Variants in CHN1 observed in about 807,000 individuals in gnomAD.
The protein encoded by CHN1 is chimerin 1, also known as N-chimaerin.
A neutral mutation model predicts 59.5 loss-of-function variants in CHN1; 37 were observed. The ratio of observed to expected loss-of-function variants is 0.62; its 90% CI spans 0.48 to 0.82. The LOEUF is 0.82. Ranked by LOEUF, CHN1 falls within the 40% of genes least tolerant of loss-of-function variation. The pLI is 0.00. For synonymous variants in CHN1, 206 were observed against 200.4 expected (o/e 1.03, Z -0.24); for missense variants, 469 against 571.0 (o/e 0.82, Z 1.82).
intron 6 of CHN1, among the ~76,000 whole-genome samples, chr2:174,874,107 C>T (rs6433508): frequency 0.48 from 73,086 of 151,644 alleles, 18,295 homozygotes; most frequent in African/African-American, 0.61. Context: ...TGAGACATTT[C>T]GAAAGTATGG....
chr2:174,826,687 T>C (rs994344541), intron 7 of CHN1, among the ~76,000 whole-genome samples: 4 of 152,228 alleles, frequency 2.6e-5, no homozygotes, highest in African/African-American at 9.6e-5. Flanking sequence ...GCTGTTTTAA[T>C]AGAACCAATC....
intron 6 of CHN1, chr2:174,875,773 A>C (rs962197505): frequency 1.0e-6 from 1 of 977,042 alleles, no homozygotes; most frequent in African/African-American, 1.8e-5. Flanking sequence ...ATTAAACATG[A>C]TTGTCTTTAC....
At chr2:174,896,884 A>G in intron 5 of CHN1, among the ~76,000 whole-genome samples, 1 of 152,346 alleles carries the variant, frequency 6.6e-6, no homozygotes, top group Non-Finnish European at 1.5e-5. Context: ...TATATAATAT[A>G]CATCTATTAT....
At chr2:174,945,145 A>G (rs754205646) in intron 2 of CHN1, 2 of 546,384 alleles carry the variant, frequency 3.7e-6, no homozygotes, top group Admixed American at 3.2e-5. Context: ...CAGAAAAATC[A>G]TAATCCAAAC....
chr2:174,955,122 GATCTAATATAGA>G, intron 1 of CHN1, among the ~76,000 whole-genome samples: 1 of 146,634 alleles, frequency 6.8e-6, no homozygotes, highest in Non-Finnish European at 1.5e-5. Flanking sequence ...TAGATCTATA[GATCTAATATAGA>G]TCTATATATC....
intron 5 of CHN1, among the ~76,000 whole-genome samples, chr2:174,904,397 T>C (rs1688482663): frequency 6.6e-6 from 1 of 152,230 alleles, no homozygotes; most frequent in South Asian, 2.1e-4. Context: ...TGTTTGTTTG[T>C]TTGTTTGTTT....
intron 6 of CHN1, among the ~76,000 whole-genome samples, chr2:174,858,273 A>T (rs1686966634): frequency 6.6e-6 from 1 of 152,206 alleles, no homozygotes; most frequent in South Asian, 2.1e-4. Context: ...GTTTGATTAG[A>T]ATATATCAAT....
At chr2:174,903,873 A>G (rs1688462394) in intron 5 of CHN1, among the ~76,000 whole-genome samples, 1 of 152,212 alleles carries the variant, frequency 6.6e-6, no homozygotes, top group African/African-American at 2.4e-5. Context: ...AATAAACCTT[A>G]TCTTTAAAGG....
intron 2 of CHN1, among the ~76,000 whole-genome samples, chr2:174,950,329 C>T (rs138026009): frequency 6.6e-6 from 1 of 151,214 alleles, no homozygotes; most frequent in South Asian, 2.1e-4. Context: ...TGCAAAGGTG[C>T]GATCTCAGCT....
intron 8 of CHN1, among the ~76,000 whole-genome samples, chr2:174,817,066 C>T (rs2105390782): frequency 6.6e-6 from 1 of 152,282 alleles, no homozygotes; most frequent in Non-Finnish European, 1.5e-5. Context: ...CTGTCCTCTT[C>T]CCACTGGGTC....
chr2:174,822,135 C>T (rs1282899704), intron 8 of CHN1, among the ~76,000 whole-genome samples: 1 of 152,168 alleles, frequency 6.6e-6, no homozygotes, highest in Admixed American at 6.5e-5. Flanking sequence ...CAAATTCCAA[C>T]CCTCCGTGTT....
chr2:174,941,021 G>GT lies in CHN1; in HGVS notation c.114+3866dup, dbSNP rs902124496. Among the ~76,000 whole-genome samples the GT allele has an allele frequency of 2.5e-4, 38 of 151,986 alleles. 1 individual carries two copies. Among genetic ancestry groups the GT allele is most frequent in the African/African-American group, 6.5e-4 (27 of 41,460 alleles). ...ATTTTTTCTCTTTGTAACAAAGTGAGTTTTTTTTAATTTTAAAGTATAATT... is the reference window on the plus strand; with the variant it reads ...ATTTTTTCTCTTTGTAACAAAGTGAGTTTTTTTTTAATTTTAAAGTATAATT... On this transcript the variant is annotated intron_variant, in intron 3 of 12. Transcript: ENST00000409900.
At chr2:174,867,973 T>G (rs953424113) in intron 6 of CHN1, among the ~76,000 whole-genome samples, 2 of 152,176 alleles carry the variant, frequency 1.3e-5, no homozygotes, top group Non-Finnish European at 2.9e-5. Flanking sequence ...AATATAAAAG[T>G]GTACATTAAT....
rs552466707 is a variant in CHN1 at position 174,815,945 on chromosome 2, A to C, written c.713-3463T>G. Among the ~76,000 whole-genome samples, 3 of 152,104 alleles carry C rather than the reference A, an allele frequency of 2.0e-5. No homozygotes were observed. The South Asian group carries it at 6.2e-4, about 32-fold the overall frequency. ...TTTTTTTAAATGCTACTGCAGTGCTATTGTGCCTGCCCCACTTGTATATTA... is the reference window on the plus strand; with the variant it reads ...TTTTTTTAAATGCTACTGCAGTGCTCTTGTGCCTGCCCCACTTGTATATTA... On this transcript the variant is annotated intron_variant, in intron 8 of 12. Coordinates refer to ENST00000409900, the MANE Select transcript of CHN1 (RefSeq NM_001822.7).
chr2:174,879,561 A>G (rs1395636636), intron 5 of CHN1, among the ~76,000 whole-genome samples: 3 of 152,218 alleles, frequency 2.0e-5, no homozygotes, highest in African/African-American at 7.2e-5. Flanking sequence ...AAGCCTAAAA[A>G]ATTAGACAGG....
chr2:175,004,012 C>T (rs577409896), intron 1 of CHN1, among the ~76,000 whole-genome samples: 1 of 152,338 alleles, frequency 6.6e-6, no homozygotes, highest in African/African-American at 2.4e-5. Context: ...GAATAACTTA[C>T]TTAGGCTGTT....
At chr2:175,002,784 T>C (rs974464312) in intron 1 of CHN1, among the ~76,000 whole-genome samples, 2 of 152,308 alleles carry the variant, frequency 1.3e-5, no homozygotes, top group African/African-American at 2.4e-5. Context: ...TTCACTACCA[T>C]CTCACAGAAC....
intron 5 of CHN1, among the ~76,000 whole-genome samples, chr2:174,885,261 C>T (rs931736708): frequency 4.7e-5 from 7 of 148,540 alleles, no homozygotes; most frequent in South Asian, 2.1e-4. Context: ...GGCGACAGAG[C>T]GAGACTCGGT....
chr2:174,995,762 T>C (rs992607090), intron 1 of CHN1, among the ~76,000 whole-genome samples: 1 of 152,162 alleles, frequency 6.6e-6, no homozygotes, highest in Non-Finnish European at 1.5e-5. Context: ...AAGAATGTAA[T>C]TCCTTTGTCC....
Sources: gnomAD v4.1 joint callset for allele counts (sites outside exome capture counted in the v4.1 genomes callset) on GRCh38, gnomAD v4.1.1 for gene constraint, MANE v1.5 for transcripts, NCBI Gene and HGNC (gene_info 2026-07-23, HGNC 2026-07-21) for gene names.